The following SHISA9 variants were observed in gnomAD, a reference collection of about 807,000 sequenced individuals.
The protein encoded by SHISA9 is shisa family member 9, also known as protein shisa-9.
In SHISA9, 13 loss-of-function variants were observed where a neutral mutation model predicts 38.0. That is an observed-to-expected ratio of 0.34 (90% CI 0.22 to 0.54). The LOEUF (loss-of-function observed/expected upper bound fraction) is 0.54. Ranked by LOEUF, SHISA9 falls within the 20% of genes least tolerant of loss-of-function variation. The pLI, the probability that SHISA9 is intolerant of heterozygous loss-of-function variation, is 0.91. For missense variants in SHISA9, 538 were observed against 575.8 expected (o/e 0.93, Z 0.67); for synonymous variants, 275 against 242.0 (o/e 1.14, Z -1.27).
intron 2 of SHISA9, among the ~76,000 whole-genome samples, chr16:13,005,024 G>T (rs1376804720): frequency 6.6e-6 from 1 of 152,044 alleles, no homozygotes. Context: ...CCTGGCTATG[G>T]TTTATTTATG....
At chr16:13,077,579 A>G (rs1596632373) in intron 2 of SHISA9, among the ~76,000 whole-genome samples, 1 of 152,168 alleles carries the variant, frequency 6.6e-6, no homozygotes, top group African/African-American at 2.4e-5. Context: ...GGGATGGGGA[A>G]ACACCCAAAA....
intron 2 of SHISA9, among the ~76,000 whole-genome samples, chr16:13,135,389 C>T (rs2050340176): frequency 6.6e-6 from 1 of 151,768 alleles, no homozygotes; most frequent in African/African-American, 2.4e-5. Context: ...CAACTAACAG[C>T]TCCTTCATCT....
intron 2 of SHISA9, among the ~76,000 whole-genome samples, chr16:12,991,395 C>T (rs1295966718): frequency 6.6e-6 from 1 of 152,068 alleles, no homozygotes; most frequent in African/African-American, 2.4e-5. Flanking sequence ...TTTCCCCTGT[C>T]AGATATAGAG....
the SHISA9 span, among the ~76,000 whole-genome samples, chr16:13,393,062 C>T: frequency 6.6e-6 from 1 of 152,310 alleles, no homozygotes; most frequent in South Asian, 2.1e-4. Flanking sequence ...TGATGGGAAC[C>T]AAATGGAGGC....
chr16:13,327,332 A>G, the SHISA9 span, among the ~76,000 whole-genome samples: 9 of 152,116 alleles, frequency 5.9e-5, no homozygotes, highest in Non-Finnish European at 1.3e-4. Context: ...ATGAAAAGGC[A>G]TAGCCACGTG....
chr16:13,162,547 C>T lies in SHISA9; in HGVS notation c.692-40847C>T, dbSNP rs114841193. 3.8e-3 allele frequency among the ~76,000 whole-genome samples: 581 copies of T among 152,260 alleles called. 3 individuals carry two copies. The highest frequency in any genetic ancestry group is 0.012 in the African/African-American group (518 of 41,546). On this transcript the variant is annotated intron_variant, in intron 2 of 4. Transcript: ENST00000558583. Reference sequence around the variant, plus strand: ...ACTGATACTCCAAATTCCATTAAAACAGATTCGAAACTCATCCAAACTCTC... The same window carrying T: ...ACTGATACTCCAAATTCCATTAAAATAGATTCGAAACTCATCCAAACTCTC...
chr16:13,063,699 GTGCGTATAC>G (rs1407946985), intron 2 of SHISA9, among the ~76,000 whole-genome samples: 1 of 152,150 alleles, frequency 6.6e-6, no homozygotes, highest in Non-Finnish European at 1.5e-5. Flanking sequence ...CCAAGGAAGG[GTGCGTATAC>G]TGCAAAGACT....
In SHISA9 at chr16:13,235,032, G is replaced by A; in HGVS notation, c.898G>A (p.Asp300Asn). The A allele has an allele frequency of 1.3e-6, 2 of 1,540,932 alleles. No homozygotes were observed. The highest frequency in any genetic ancestry group is 1.8e-6 in the Non-Finnish European group (2 of 1,139,742). ...AVSTLKSPKA[D>N]KVNDDFYTKR... ...CATCCACCCGTTCCGATGTGTAGCT[G>A]ACAAGGTCAATGACGACTTCTACAC... Residue 300 changes from aspartate (D) to asparagine (N), a missense_variant and splice_region_variant, in exon 5 of 5, where the codon GAC becomes AAC. This residue lies in a region of SHISA9 where 326 missense variants were observed against 305.9 expected (regional missense o/e 1.07). Coordinates refer to ENST00000558583, the MANE Select transcript of SHISA9 (RefSeq NM_001145204.3).
At chr16:13,404,480 A>T in the SHISA9 span, among the ~76,000 whole-genome samples, 1 of 152,172 alleles carries the variant, frequency 6.6e-6, no homozygotes, top group East Asian at 1.9e-4. Flanking sequence ...AGGGAAGGTA[A>T]TTCCAGGCAG....
intron 2 of SHISA9, among the ~76,000 whole-genome samples, chr16:13,046,718 C>T (rs778036265): frequency 5.3e-5 from 8 of 152,184 alleles, no homozygotes; most frequent in Non-Finnish European, 8.8e-5. Flanking sequence ...TTTGACTTCT[C>T]GCTTCTCTCC....
At chr16:13,315,723 C>T in the SHISA9 span, among the ~76,000 whole-genome samples, 1 of 152,112 alleles carries the variant, frequency 6.6e-6, no homozygotes, top group African/African-American at 2.4e-5. Flanking sequence ...GTGCCTGGTG[C>T]ATAATATAGT....
chr16:13,535,168 C>A, the SHISA9 span, among the ~76,000 whole-genome samples: 2 of 152,114 alleles, frequency 1.3e-5, no homozygotes, highest in African/African-American at 4.8e-5. Flanking sequence ...ATTGGTTGAA[C>A]CCAGGAGGCA....
chr16:13,064,935 T>A (rs950905596), intron 2 of SHISA9, among the ~76,000 whole-genome samples: 2 of 152,150 alleles, frequency 1.3e-5, no homozygotes, highest in African/African-American at 4.8e-5. Flanking sequence ...GTGTGACATT[T>A]GAGCTGAGAC....
chr16:13,511,127 CAATT>C, the SHISA9 span, among the ~76,000 whole-genome samples: 1 of 152,088 alleles, frequency 6.6e-6, no homozygotes, highest in Non-Finnish European at 1.5e-5. Flanking sequence ...ACTAATAAAT[CAATT>C]AATTAAGCAG....
At chr16:13,214,014 T>A (rs1292966788) in intron 4 of SHISA9, among the ~76,000 whole-genome samples, 1 of 152,238 alleles carries the variant, frequency 6.6e-6, no homozygotes, top group African/African-American at 2.4e-5. Context: ...TAGAGTCATG[T>A]GACTATTCAG....
chr16:13,028,459 G>A (rs191951218), intron 2 of SHISA9, among the ~76,000 whole-genome samples: 454 of 152,238 alleles, frequency 3.0e-3, no homozygotes, highest in Non-Finnish European at 5.0e-3. Flanking sequence ...TGAAAGACAC[G>A]TCTTACATGG....
intron 3 of SHISA9, 134 bp downstream of exon 3, chr16:13,203,683 C>G: frequency 1.0e-6 from 1 of 959,594 alleles, no homozygotes; most frequent in Non-Finnish European, 1.5e-6. Context: ...TTCTGCTTTT[C>G]TCTGCCTCTA....
At chr16:13,139,437 T>TTTC (rs1182505265) in intron 2 of SHISA9, among the ~76,000 whole-genome samples, 4 of 84,330 alleles carry the variant, frequency 4.7e-5, no homozygotes, top group African/African-American at 1.7e-4. Flanking sequence ...TTCCTTCTTC[T>TTTC]CTTCCTCTTC....
At chr16:13,393,980 G>A in the SHISA9 span, among the ~76,000 whole-genome samples, 13 of 152,086 alleles carry the variant, frequency 8.5e-5, no homozygotes, top group African/African-American at 1.7e-4. Flanking sequence ...GGTGCTCTAC[G>A]TCACGTCCCA....
Sources: allele counts gnomAD v4.1 joint callset (sites outside exome capture counted in the v4.1 genomes callset), GRCh38; gene constraint gnomAD v4.1.1; regional missense constraint gnomAD v4.1.1; transcripts MANE v1.5; gene names NCBI Gene and HGNC (gene_info 2026-07-23, HGNC 2026-07-21).